The following SORCS1 variants were observed in gnomAD, a reference collection of about 807,000 sequenced individuals.
SORCS1 encodes VPS10 domain-containing receptor SorCS1.
SORCS1 carries 60 observed loss-of-function variants against 146.1 expected under a neutral mutation model. The observed-to-expected ratio is 0.41, with a 90% CI of 0.33 to 0.51. The LOEUF is 0.51. SORCS1 is among the 20% of genes least tolerant of loss of function. The pLI is 0.21. For synonymous variants in SORCS1, 637 were observed against 584.0 expected (o/e 1.09, Z -1.31); for missense variants, 1,352 against 1,487.6 (o/e 0.91, Z 1.50).
chr10:106,726,259 AT>A (rs149433944), intron 6 of SORCS1, among the ~76,000 whole-genome samples: 10 of 100,488 alleles, frequency 1.0e-4, no homozygotes, highest in East Asian at 3.2e-4. Flanking sequence ...CAATTGGTAG[AT>A]TTTTTTTTTC....
intron 2 of SORCS1, among the ~76,000 whole-genome samples, chr10:106,859,024 TC>T (rs1235612252): frequency 2.0e-5 from 3 of 152,166 alleles, no homozygotes; most frequent in Non-Finnish European, 4.4e-5. Context: ...TACTAGCAGC[TC>T]CCCCTCACAG....
At chr10:106,706,167 T>G (rs1854503703) in intron 8 of SORCS1, among the ~76,000 whole-genome samples, 2 of 144,680 alleles carry the variant, frequency 1.4e-5, no homozygotes, top group African/African-American at 2.6e-5. Flanking sequence ...TGAATGTTCC[T>G]ATAGCAACAA....
chr10:106,662,322 CT>C (rs36034548), intron 17 of SORCS1, among the ~76,000 whole-genome samples: 2,216 of 147,724 alleles, frequency 0.015, 58 homozygotes, highest in African/African-American at 0.052. Context: ...TATTTAAGAA[CT>C]TTTTTTTTTT....
intron 2 of SORCS1, among the ~76,000 whole-genome samples, chr10:106,831,233 T>A (rs978644875): frequency 6.6e-6 from 1 of 151,922 alleles, no homozygotes; most frequent in Non-Finnish European, 1.5e-5. Context: ...AAAAAGGACA[T>A]AGACATAAAA....
chr10:106,729,443 C>CT (rs34045437), intron 6 of SORCS1, among the ~76,000 whole-genome samples: 2,721 of 145,140 alleles, frequency 0.019, 47 homozygotes, highest in Admixed American at 0.058. Context: ...CTCTCTCTCT[C>CT]TTTTTTTTTT....
intron 2 of SORCS1, among the ~76,000 whole-genome samples, chr10:106,854,936 G>A (rs1021414014): frequency 6.6e-6 from 1 of 152,066 alleles, no homozygotes; most frequent in African/African-American, 2.4e-5. Context: ...GGTTTTTGTG[G>A]TACATTCACT....
intron 3 of SORCS1, among the ~76,000 whole-genome samples, chr10:106,789,898 G>T (rs1946231488): frequency 6.6e-6 from 1 of 152,210 alleles, no homozygotes; most frequent in African/African-American, 2.4e-5. Context: ...GAGGCCACAG[G>T]AAACTGACAA....
chr10:106,612,817 C>T, intron 21 of SORCS1, among the ~76,000 whole-genome samples: 1 of 152,130 alleles, frequency 6.6e-6, no homozygotes, highest in East Asian at 1.9e-4. Flanking sequence ...AGGTTCTGCG[C>T]TCCTGGATAG....
At chr10:106,736,012 A>G (rs886563761) in intron 5 of SORCS1, among the ~76,000 whole-genome samples, 2 of 152,188 alleles carry the variant, frequency 1.3e-5, no homozygotes, top group African/African-American at 4.8e-5. Context: ...TTGAAATAAA[A>G]CCTAAAGATC....
chr10:106,963,793 T>C (rs1322272950), intron 1 of SORCS1, among the ~76,000 whole-genome samples: 5 of 152,172 alleles, frequency 3.3e-5, no homozygotes, highest in African/African-American at 4.8e-5. Context: ...TTATTAAGCT[T>C]TGTTAAAAGG....
intron 24 of SORCS1, 148 bp from the exon 25 acceptor site, chr10:106,579,622 C>A (rs1427427170): frequency 1.3e-6 from 1 of 776,308 alleles, no homozygotes. Flanking sequence ...ACATGGCTGA[C>A]ATGGGATGCA....
intron 2 of SORCS1, among the ~76,000 whole-genome samples, chr10:106,863,843 GA>G (rs1227745034): frequency 6.6e-6 from 1 of 151,700 alleles, no homozygotes; most frequent in Non-Finnish European, 1.5e-5. Flanking sequence ...AGTAATACAG[GA>G]AAAGCTGCCA....
chr10:106,962,549 C>T (rs560674896), intron 1 of SORCS1, among the ~76,000 whole-genome samples: 27 of 152,240 alleles, frequency 1.8e-4, no homozygotes, highest in Non-Finnish European at 3.8e-4. Flanking sequence ...AAAGTATGGG[C>T]TTAGGATTAG....
chr10:106,976,031 A>G (rs1250642747), intron 1 of SORCS1, among the ~76,000 whole-genome samples: 1 of 151,522 alleles, frequency 6.6e-6, no homozygotes, highest in African/African-American at 2.4e-5. Flanking sequence ...CTGTAATCCC[A>G]GCTACTCAGG....
chr10:106,856,974 G>T (rs1337517601), intron 2 of SORCS1, among the ~76,000 whole-genome samples: 1 of 152,164 alleles, frequency 6.6e-6, no homozygotes, highest in Non-Finnish European at 1.5e-5. Flanking sequence ...CTTTTAACTT[G>T]CTAGGAAAAT....
chr10:106,611,809 G>GCTTA, intron 22 of SORCS1, 102 bp downstream of exon 22: 1 of 573,686 alleles, frequency 1.7e-6, no homozygotes, highest in South Asian at 1.9e-5. Flanking sequence ...CTTCCTGCTG[G>GCTTA]GTTAGTTTGT....
Position 106,677,378 on chromosome 10 carries a change from C to A in SORCS1, c.1767G>T (p.Leu589Phe). 6.2e-7 allele frequency: 1 copy of A among 1,613,960 alleles called. No homozygotes were observed. The highest frequency in any genetic ancestry group is 8.5e-7 in the Non-Finnish European group (1 of 1,179,884). Residue 589 changes from leucine to phenylalanine, a missense_variant, in exon 13 of 26, where the codon TTG becomes TTT. Transcript: ENST00000263054. ...RQIFEEEHSV[L>F]YLDQGGVLVA... Reference sequence around the variant, plus strand: ...CCAGGACTCCACCTTGATCCAGGTACAAAACACTGTGCTCTTCTTCAAAGA... The same window carrying A: ...CCAGGACTCCACCTTGATCCAGGTAAAAAACACTGTGCTCTTCTTCAAAGA...
chr10:107,082,908 C>T (rs1276456105), intron 1 of SORCS1, among the ~76,000 whole-genome samples: 1 of 151,744 alleles, frequency 6.6e-6, no homozygotes, highest in African/African-American at 2.4e-5. Context: ...GATCCCAGAC[C>T]ACCCTGCCTA....
intron 16 of SORCS1, among the ~76,000 whole-genome samples, chr10:106,669,260 C>CAAT (rs1851403588): frequency 6.6e-6 from 1 of 151,988 alleles, no homozygotes; most frequent in African/African-American, 2.4e-5. Context: ...ACAACAACAA[C>CAAT]AACAACAAAA....
Sources: allele counts gnomAD v4.1 joint callset (sites outside exome capture counted in the v4.1 genomes callset), GRCh38; gene constraint gnomAD v4.1.1; transcripts MANE v1.5; gene names NCBI Gene and HGNC (gene_info 2026-07-23, HGNC 2026-07-21).